BTRC: variants seen among roughly 807,000 people sequenced by gnomAD.
The protein encoded by BTRC is F-box/WD repeat-containing protein 1A.
BTRC carries 42 observed loss-of-function variants against 85.5 expected under a neutral mutation model. The observed-to-expected ratio is 0.49, with a 90% CI of 0.38 to 0.64. The LOEUF is 0.64. Among genes scored for constraint, BTRC ranks in the 30% least tolerant of loss-of-function variants. The pLI is 0.00. For missense variants in BTRC, 594 were observed against 743.5 expected, an observed-to-expected ratio of 0.80 and a Z score of 2.34; for synonymous variants, 255 against 263.3, an observed-to-expected ratio of 0.97 and a Z score of 0.30.
At chr10:101,551,871 G>A (rs4244346) in intron 14 of BTRC, among the ~76,000 whole-genome samples, 40,101 of 152,060 alleles carry the variant, frequency 0.26, 6,327 homozygotes, top group South Asian at 0.4. Flanking sequence ...AACGTGAGGG[G>A]CAGCACTCAC....
chr10:101,506,752 T>C (rs1371111510), intron 4 of BTRC, among the ~76,000 whole-genome samples: 1 of 152,210 alleles, frequency 6.6e-6, no homozygotes, highest in Non-Finnish European at 1.5e-5. Flanking sequence ...GATGAAGTGC[T>C]CTAAACAACT....
intron 3 of BTRC, among the ~76,000 whole-genome samples, chr10:101,465,342 T>C (rs1945345757): frequency 6.6e-6 from 1 of 152,216 alleles, no homozygotes; most frequent in Non-Finnish European, 1.5e-5. Flanking sequence ...TATTCAAAAA[T>C]AGCGTTTTGC....
chr10:101,523,843 T>G (rs957757460), intron 5 of BTRC, among the ~76,000 whole-genome samples: 2 of 152,210 alleles, frequency 1.3e-5, no homozygotes, highest in African/African-American at 2.4e-5. Context: ...ATTTAACCCC[T>G]TTATTGAACA....
chr10:101,383,628 G>T (rs998391153), intron 1 of BTRC, among the ~76,000 whole-genome samples: 4 of 152,212 alleles, frequency 2.6e-5, no homozygotes, highest in Admixed American at 1.3e-4. Context: ...GCCTTCTAAA[G>T]TGCTGGGGTT....
At chr10:101,450,890 A>G (rs74400977) in intron 2 of BTRC, among the ~76,000 whole-genome samples, 1 of 152,328 alleles carries the variant, frequency 6.6e-6, no homozygotes, top group East Asian at 1.9e-4. Context: ...AGACCTAGCA[A>G]TATTTTAAGG....
chr10:101,505,823 A>G (rs888127460), intron 4 of BTRC, among the ~76,000 whole-genome samples: 1 of 151,870 alleles, frequency 6.6e-6, no homozygotes, highest in African/African-American at 2.4e-5. Flanking sequence ...CCCCCCCCAT[A>G]GATCTTTATT....
chr10:101,408,561 C>T (rs563583987), intron 1 of BTRC, among the ~76,000 whole-genome samples: 17 of 152,278 alleles, frequency 1.1e-4, no homozygotes, highest in Non-Finnish European at 1.8e-4. Context: ...CCACCTGGGC[C>T]TCCCAAAGTG....
chr10:101,391,613 T>C (rs1045940908), intron 1 of BTRC, among the ~76,000 whole-genome samples: 1 of 152,226 alleles, frequency 6.6e-6, no homozygotes, highest in Non-Finnish European at 1.5e-5. Flanking sequence ...GTACCTTAAT[T>C]TGCTATGTTC....
At chr10:101,497,705 A>G (rs184928530) in intron 4 of BTRC, among the ~76,000 whole-genome samples, 50 of 150,578 alleles carry the variant, frequency 3.3e-4, no homozygotes, top group African/African-American at 1.1e-3. Flanking sequence ...GACCCTGTCT[A>G]TCAGTCAATC....
chr10:101,394,543 C>T (rs532813028), intron 1 of BTRC, among the ~76,000 whole-genome samples: 5 of 152,288 alleles, frequency 3.3e-5, no homozygotes, highest in South Asian at 2.1e-4. Context: ...GTCCTTCTTC[C>T]GCTTCCCTAC....
chr10:101,534,829 G>A lies in BTRC; in HGVS notation c.1266G>A (p.Leu422=). The change falls in exon 10 of 15, where the codon CTG becomes CTA. Residue 422 remains leucine (L), a synonymous_variant. Transcript: ENST00000370187. ...CTGACATTACCCTCCGGAGGGTGCT[G>A]GTCGGACACCGAGCTGCTGTCAATG... The part of the protein sequence containing the change: ...SPTDITLRRV[L]VGHRAAVNVV... 1 of 1,614,134 alleles carries A rather than the reference G, an allele frequency of 6.2e-7. No homozygotes were observed. Among genetic ancestry groups the A allele is most frequent in the Non-Finnish European group, 8.5e-7 (1 of 1,180,010 alleles).
intron 4 of BTRC, among the ~76,000 whole-genome samples, chr10:101,488,899 CT>C: frequency 6.6e-6 from 1 of 152,084 alleles, no homozygotes; most frequent in East Asian, 1.9e-4. Context: ...TCTCATAGGA[CT>C]TTTTTTCACA....
chr10:101,538,428 G>A (rs1176754659), intron 13 of BTRC, 57 bp downstream of exon 13: 16 of 1,444,658 alleles, frequency 1.1e-5, no homozygotes, highest in African/African-American at 2.8e-5. Context: ...GAAATTAAAC[G>A]TTGATGTGCT....
chr10:101,512,477 T>C (rs1467581089), intron 4 of BTRC, among the ~76,000 whole-genome samples: 2 of 152,232 alleles, frequency 1.3e-5, no homozygotes, highest in African/African-American at 4.8e-5. Context: ...TTCCTTTTGG[T>C]TAAAGCAGAT....
intron 2 of BTRC, among the ~76,000 whole-genome samples, chr10:101,439,351 G>C (rs891249516): frequency 1.3e-5 from 2 of 152,132 alleles, no homozygotes; most frequent in Non-Finnish European, 2.9e-5. Context: ...AAATAAACAA[G>C]GTCGTGTTTC....
At chr10:101,513,893 A>G (rs770577460) in intron 4 of BTRC, among the ~76,000 whole-genome samples, 3 of 152,228 alleles carry the variant, frequency 2.0e-5, no homozygotes, top group African/African-American at 7.2e-5. Context: ...GTGACTGCCA[A>G]CAATGTGTGA....
chr10:101,400,727 CATAGCAACTGCT>C (rs1385540543), intron 1 of BTRC, among the ~76,000 whole-genome samples: 1 of 152,196 alleles, frequency 6.6e-6, no homozygotes, highest in Admixed American at 6.5e-5. Flanking sequence ...TCTGTTGAGT[CATAGCAACTGCT>C]ATGAACAAAC....
chr10:101,454,598 G>C (rs1945027752), intron 2 of BTRC, among the ~76,000 whole-genome samples: 1 of 152,090 alleles, frequency 6.6e-6, no homozygotes, highest in South Asian at 2.1e-4. Context: ...GGGTAATATA[G>C]TGAGAACCCC....
At chr10:101,497,693 G>A (rs1467047645) in intron 4 of BTRC, among the ~76,000 whole-genome samples, 1 of 151,020 alleles carries the variant, frequency 6.6e-6, no homozygotes, top group African/African-American at 2.4e-5. Context: ...GTGATAGAGT[G>A]AGACCCTGTC....
Sources: allele counts gnomAD v4.1 joint callset (sites outside exome capture counted in the v4.1 genomes callset), GRCh38; gene constraint gnomAD v4.1.1; transcripts MANE v1.5; gene names NCBI Gene and HGNC (gene_info 2026-07-23, HGNC 2026-07-21).